HDAC7: variants seen among roughly 807,000 people sequenced by gnomAD.
HDAC7 encodes histone deacetylase 7.
A neutral mutation model predicts 115.5 loss-of-function variants in HDAC7; 26 were observed. That is an observed-to-expected ratio of 0.23 (90% CI 0.16 to 0.31). The LOEUF is 0.31. Among genes scored for constraint, HDAC7 ranks in the 10% least tolerant of loss-of-function variants. The pLI, the probability that HDAC7 is intolerant of heterozygous loss-of-function variation, is 1.00. For missense variants in HDAC7, 1,068 were observed against 1,329.0 expected, an observed-to-expected ratio of 0.80 and a Z score of 3.05; for synonymous variants, 564 against 550.9, an observed-to-expected ratio of 1.02 and a Z score of -0.33.
intron 21 of HDAC7, 81 bp downstream of exon 21, chr12:47,787,631 C>T: frequency 1.1e-6 from 1 of 948,514 alleles, no homozygotes; most frequent in Non-Finnish European, 1.6e-6. Flanking sequence ...GACAATCCAA[C>T]TGATCACCTC....
chr12:47,783,437 A>T lies in HDAC7; in HGVS notation c.*404T>A. 4.5e-6 allele frequency: 1 copy of T among 223,762 alleles called. No homozygotes were observed. The highest frequency in any genetic ancestry group is 9.2e-6 in the Non-Finnish European group (1 of 109,262). The allele number at this position is 223,762 out of a possible 1,614,324, so 13.9% of individuals were successfully genotyped here. ...CCAGCCTGTCTGAGGCCAAGTTCAC[A>T]TTTCTGTGTGGAGCCTGAGGCTGTG... On this transcript the variant is annotated 3_prime_UTR_variant, in exon 26 of 26. Coordinates refer to ENST00000080059, the MANE Select transcript of HDAC7 (RefSeq NM_015401.5).
upstream of HDAC7, among the ~76,000 whole-genome samples, chr12:47,821,043 T>G (rs114252392): frequency 4.9e-3 from 742 of 152,084 alleles, 6 homozygotes; most frequent in African/African-American, 0.017. Flanking sequence ...AGGGGAGAGG[T>G]CCACCACGCA....
Position 47,797,962 on chromosome 12 carries a change from C to T in HDAC7, c.461+146G>A. Reference sequence around the variant, plus strand: ...GGGCAGGTATCAGTTGAGAGAGGGGCTCGGGGGCATTATGTTTAGAGGAAG... The same window carrying T: ...GGGCAGGTATCAGTTGAGAGAGGGGTTCGGGGGCATTATGTTTAGAGGAAG... On this transcript the variant is annotated intron_variant, in intron 5 of 25. Transcript: ENST00000080059. This position sits in a 1 kb window ranked among gnomAD's most constrained non-coding sequence, Gnocchi z 5.5. The T allele has an allele frequency of 1.5e-6, 1 of 683,816 alleles. No individual in the cohort carries two copies. Among genetic ancestry groups the T allele is most frequent in the East Asian group, 2.5e-5 (1 of 39,682 alleles). The allele number at this position is 683,816 out of a possible 1,614,324, so 42.4% of individuals were successfully genotyped here.
Position 47,797,331 on chromosome 12 carries a change from GA to G in HDAC7, c.577+52del. On this transcript the variant is annotated intron_variant, in intron 6 of 25. Transcript: ENST00000080059. This position sits in a 1 kb window ranked among gnomAD's most constrained non-coding sequence, Gnocchi z 5.5. ...CCCTGCACACTCCTCCCCCATGTCC[GA>G]GGCCCTTCCCCCTTCCTTTGCCTGA... The G allele has an allele frequency of 8.0e-7, 1 of 1,255,996 alleles. No homozygotes were observed. The highest frequency in any genetic ancestry group is 3.1e-5 in the East Asian group (1 of 32,218). 77.8% of individuals were successfully genotyped at this position (1,255,996 alleles called of 1,614,324 possible). A position where few individuals can be genotyped will look rare whatever the true frequency, so the allele number is the denominator to read the frequency against.
rs1944305689 is a variant in HDAC7, at chr12:47,804,463, G to A, written c.20-2189C>T. On this transcript the variant is annotated intron_variant, in intron 1 of 25. Coordinates refer to ENST00000080059, the MANE Select transcript of HDAC7 (RefSeq NM_015401.5). ...CCTCCCAGTTCTGGCTTGAGTGTGG[G>A]ACCTCTTTTCCCATCACTGCCTCTC... Among the ~76,000 whole-genome samples, 7 of 151,424 alleles carry A rather than the reference G, an allele frequency of 4.6e-5. No individual in the cohort carries two copies. The South Asian group carries it at 1.5e-3, about 32-fold the overall frequency.
In HDAC7 at chr12:47,798,786, C is replaced by A; in HGVS notation, c.257G>T (p.Arg86Met). 1 of 1,556,078 alleles carries A rather than the reference C, an allele frequency of 6.4e-7. No homozygotes were observed. The highest frequency in any genetic ancestry group is 8.7e-7 in the Non-Finnish European group (1 of 1,149,340). ...ACATGCAGGGAGCTCCATCTTTACC[C>A]TCATGGGCTCCACCGAGCGCTGCTG... The part of the protein sequence containing the change: ...LQQQRSVEPM[R>M]LSMDTPMPEL... Residue 86 changes from arginine to methionine, a missense_variant and splice_region_variant, in exon 3 of 26, where the codon AGG becomes ATG. By Grantham distance (91) the Arg-to-Met change is moderately conservative. Coordinates refer to ENST00000080059, the MANE Select transcript of HDAC7 (RefSeq NM_015401.5). The surrounding 1 kb of genome is among the most constrained non-coding windows in gnomAD (Gnocchi z 4.3).
Position 47,793,602 on chromosome 12 carries a change from G to A in HDAC7, c.1459-14C>T, listed in dbSNP as rs1028440485. 1.3e-6 allele frequency: 2 copies of A among 1,524,532 alleles called. No individual in the cohort carries two copies. The highest frequency in any genetic ancestry group is 2.8e-5 in the African/African-American group (2 of 72,668). 94.4% of individuals were successfully genotyped at this position (1,524,532 alleles called of 1,614,324 possible). A position where few individuals can be genotyped will look rare whatever the true frequency, so the allele number is the denominator to read the frequency against. On this transcript the variant is annotated splice_polypyrimidine_tract_variant and intron_variant, in intron 12 of 25. Transcript: ENST00000080059. This position sits in a 1 kb window ranked among gnomAD's most constrained non-coding sequence, Gnocchi z 4.5. The stretch of plus-strand genomic sequence containing the variant: ...CCAGAGCAACACCTAGGGGAAAGAT[G>A]GGGCCTTGGTCTCCAGTGTTTCAGG...
chr12:47,798,490 C>A lies in HDAC7; in HGVS notation c.349+72G>T. ...GCTGCGGCCCTCCCACCTCACCCCTCACAAGCCACACAGGCAGCCGCAGGC... is the reference window on the plus strand; with the variant it reads ...GCTGCGGCCCTCCCACCTCACCCCTAACAAGCCACACAGGCAGCCGCAGGC... On this transcript the variant is annotated intron_variant, in intron 4 of 25. Transcript: ENST00000080059. This position sits in a 1 kb window ranked among gnomAD's most constrained non-coding sequence, Gnocchi z 4.3. The A allele has an allele frequency of 7.0e-7, 1 of 1,423,372 alleles. No homozygotes were observed. Among genetic ancestry groups the A allele is most frequent in the East Asian group, 2.3e-5 (1 of 43,782 alleles). 88.2% of individuals were successfully genotyped at this position (1,423,372 alleles called of 1,614,324 possible).
At chr12:47,805,543 T>C (rs956846285) in intron 1 of HDAC7, among the ~76,000 whole-genome samples, 20 of 152,298 alleles carry the variant, frequency 1.3e-4, no homozygotes, top group Admixed American at 1.3e-3. Flanking sequence ...TGGAAAAAGC[T>C]TGAGTCTCCA....
At chr12:47,800,652 C>T (rs875023) in intron 2 of HDAC7, among the ~76,000 whole-genome samples, 22,971 of 152,270 alleles carry the variant, frequency 0.15, 2,285 homozygotes, top group Non-Finnish European at 0.22. Context: ...GGTTTCAGTC[C>T]TTCCATGTTC....
chr12:47,798,900 G>C lies in HDAC7; in HGVS notation c.143C>G (p.Pro48Arg). 1 of 1,535,228 alleles carries C rather than the reference G, an allele frequency of 6.5e-7. No individual in the cohort carries two copies. Reference protein sequence around the residue: ...QPMDLRVGQRPPVEPPPEPTL... With the variant: ...QPMDLRVGQRRPVEPPPEPTL... ...GGGCTCTGGTGGGGGCTCCACTGGG[G>C]GCCGCTGGCCCACCCGCAGGTCCAT... The change falls in exon 3 of 26, where the codon CCC becomes CGC. Residue 48 changes from proline (P) to arginine (R), a missense_variant. By Grantham distance (103) the Pro-to-Arg change is moderately radical (BLOSUM62 -2). This residue lies in a region of HDAC7 where 161 missense variants were observed against 158.5 expected (regional missense o/e 1.02). Coordinates refer to ENST00000080059, the MANE Select transcript of HDAC7 (RefSeq NM_015401.5). The surrounding 1 kb of genome is among the most constrained non-coding windows in gnomAD (Gnocchi z 4.3).
rs1034735111 is a variant in HDAC7 at position 47,791,915 on chromosome 12, T to C, written c.1768A>G (p.Ile590Val). ...HPEHAGRIQS[I>V]WSRLQERGLR... ...CCCCGCTCCTGCAGCCGGGACCAGA[T>C]GCTCTGGATGCGGCCGGCGTGCTCC... Residue 590 changes from isoleucine (I) to valine (V), a missense_variant, in exon 14 of 26, where the codon ATC (isoleucine) becomes GTC (valine). Physicochemically the swap from Ile to Val is conservative, Grantham distance 29 (BLOSUM62 3). Transcript: ENST00000080059. The C allele has an allele frequency of 6.8e-6, 11 of 1,609,560 alleles. No homozygotes were observed. The East Asian group carries it at 9.0e-5, about 13-fold the overall frequency.
chr12:47,797,148 G>A lies in HDAC7; in HGVS notation c.578-6C>T, dbSNP rs772154983. ...CTTCAGGTTGGGCTCAGAGACTGCA[G>A]GGAGCACCAGCGTCACTCAGGCCCC... is the stretch of plus-strand genomic sequence containing the variant. On this transcript the variant is annotated splice_region_variant and splice_polypyrimidine_tract_variant and intron_variant, in intron 6 of 25. Coordinates refer to ENST00000080059, the MANE Select transcript of HDAC7 (RefSeq NM_015401.5). The surrounding 1 kb of genome is among the most constrained non-coding windows in gnomAD (Gnocchi z 5.5). The A allele has an allele frequency of 3.8e-6, 6 of 1,584,846 alleles. No homozygotes were observed. In the African/African-American group the frequency reaches 6.8e-5, roughly 18 times the overall value.
chr12:47,791,582 T>C lies in HDAC7; in HGVS notation c.1933+4A>G. Reference sequence around the variant, plus strand: ...ATGGGGAGACAGGGCCACTAGGCCATTACCTGCCAGCTTCCCGTTGTCCAG... The same window carrying C: ...ATGGGGAGACAGGGCCACTAGGCCACTACCTGCCAGCTTCCCGTTGTCCAG... On this transcript the variant is annotated splice_donor_region_variant and intron_variant, in intron 15 of 25. Coordinates refer to ENST00000080059, the MANE Select transcript of HDAC7 (RefSeq NM_015401.5). 1.2e-6 allele frequency: 2 copies of C among 1,604,692 alleles called. No homozygotes were observed. Among genetic ancestry groups the C allele is most frequent in the Non-Finnish European group, 1.7e-6 (2 of 1,175,590 alleles).
chr12:47,805,881 G>A (rs1034954167), intron 1 of HDAC7, among the ~76,000 whole-genome samples: 2 of 152,166 alleles, frequency 1.3e-5, no homozygotes, highest in Non-Finnish European at 1.5e-5. Context: ...ACTGATCTAG[G>A]GGTTGAAAAG....
rs1447964938 is a variant in HDAC7, at chr12:47,798,879, T to A, written c.164A>T (p.Glu55Val). 6.5e-7 allele frequency: 1 copy of A among 1,548,692 alleles called. No homozygotes were observed. The highest frequency in any genetic ancestry group is 1.4e-5 in the African/African-American group (1 of 72,756). The change falls in exon 3 of 26, where the codon GAG (glutamate) becomes GTG (valine). Residue 55 changes from glutamate to valine, a missense_variant. Physicochemically the swap from Glu to Val is moderately radical, Grantham distance 121 (BLOSUM62 -2). Coordinates refer to ENST00000080059, the MANE Select transcript of HDAC7 (RefSeq NM_015401.5). This position sits in a 1 kb window ranked among gnomAD's most constrained non-coding sequence, Gnocchi z 4.3. ...GQRPPVEPPP[E>V]PTLLALQRPQ... The stretch of plus-strand genomic sequence containing the variant: ...ACGCTGCAGGGCCAGCAATGTGGGC[T>A]CTGGTGGGGGCTCCACTGGGGGCCG...
chr12:47,792,262 C>T (rs1046536708), intron 13 of HDAC7: 5 of 533,432 alleles, frequency 9.4e-6, no homozygotes, highest in Admixed American at 7.2e-5. Flanking sequence ...AACATGGCTG[C>T]CACAGAGCCA....
At chr12:47,818,683 A>G (rs146129913) in intron 1 of HDAC7, among the ~76,000 whole-genome samples, 223 of 152,296 alleles carry the variant, frequency 1.5e-3, no homozygotes, top group African/African-American at 5.1e-3. Context: ...CCCCATTCTC[A>G]CCCTAGAAAG....
rs1389915932 is a variant in HDAC7, at chr12:47,795,456, G to T, written c.1088-76C>A. On this transcript the variant is annotated intron_variant, in intron 10 of 25. Transcript: ENST00000080059. The surrounding 1 kb of genome is among the most constrained non-coding windows in gnomAD (Gnocchi z 4.3). ...AAGGAAGCGAGGGTATAGGGTGGGGGGCCAGGGTGCAGCAGGGCAATGCGC... is the reference window on the plus strand; with the variant it reads ...AAGGAAGCGAGGGTATAGGGTGGGGTGCCAGGGTGCAGCAGGGCAATGCGC... 2 of 1,393,178 alleles carry T rather than the reference G, an allele frequency of 1.4e-6. No individual in the cohort carries two copies. The highest frequency in any genetic ancestry group is 2.0e-6 in the Non-Finnish European group (2 of 1,007,416). The allele number at this position is 1,393,178 out of a possible 1,614,324, so 86.3% of individuals were successfully genotyped here. A position where few individuals can be genotyped will look rare whatever the true frequency, so the allele number is the denominator to read the frequency against.
Sources: allele counts gnomAD v4.1 joint callset (sites outside exome capture counted in the v4.1 genomes callset), GRCh38; gene constraint gnomAD v4.1.1; regional missense constraint gnomAD v4.1.1; non-coding constraint Gnocchi (gnomAD v3.1); transcripts MANE v1.5; gene names NCBI Gene and HGNC (gene_info 2026-07-23, HGNC 2026-07-21).